The following GET3 variants were observed in gnomAD, a reference collection of about 807,000 sequenced individuals.
The protein encoded by GET3 is guided entry of tail-anchored proteins factor 3, ATPase.
A neutral mutation model predicts 32.4 loss-of-function variants in GET3; 15 were observed. The ratio of observed to expected loss-of-function variants is 0.46; its 90% CI spans 0.31 to 0.71. The LOEUF is 0.71. Ranked by LOEUF, GET3 falls within the 30% of genes least tolerant of loss-of-function variation. The probability of loss-of-function intolerance (pLI) is 0.05; values close to 1 mark genes in which losing one functional copy is unlikely to be tolerated. For missense variants in GET3, 333 were observed against 459.0 expected, an observed-to-expected ratio of 0.73 and a Z score of 2.51; for synonymous variants, 198 against 185.6, an observed-to-expected ratio of 1.07 and a Z score of -0.54.
intron 2 of GET3, among the ~76,000 whole-genome samples, chr19:12,739,635 G>A (rs767532818): frequency 3.9e-5 from 6 of 152,230 alleles, no homozygotes; most frequent in Non-Finnish European, 7.3e-5. Flanking sequence ...GTGAATCTGA[G>A]TTGCCCACTG....
At chr19:12,738,397 A>G in intron 1 of GET3, 114 bp from the exon 2 acceptor site, 1 of 1,348,264 alleles carries the variant, frequency 7.4e-7, no homozygotes, top group East Asian at 2.3e-5. Context: ...CTCTCCTCTC[A>G]AGGCCCCTGC....
At chr19:12,746,842 A>G (rs1967780864) in intron 4 of GET3, among the ~76,000 whole-genome samples, 1 of 151,870 alleles carries the variant, frequency 6.6e-6, no homozygotes, top group South Asian at 2.1e-4. Flanking sequence ...AAACCCCACC[A>G]GTACTAAAAA....
rs1248697139 is a variant in GET3 at position 12,747,039 on chromosome 19, G to T, written c.610-158G>T. Among the ~76,000 whole-genome samples, 6 of 151,802 alleles carry T rather than the reference G, an allele frequency of 4.0e-5. No homozygotes were observed. The highest frequency in any genetic ancestry group is 4.2e-4 in the South Asian group (2 of 4,814). On this transcript the variant is annotated intron_variant, in intron 4 of 6. Coordinates refer to ENST00000357332, the MANE Select transcript of GET3 (RefSeq NM_004317.4). This position sits in a 1 kb window ranked among gnomAD's most constrained non-coding sequence, Gnocchi z 4.0. Reference sequence around the variant, plus strand: ...AAAAAAAAAAAAGAAAGAAAGAAATGGAAAAGCTAGTATTTGACCAACCCC... The same window carrying T: ...AAAAAAAAAAAAGAAAGAAAGAAATTGAAAAGCTAGTATTTGACCAACCCC...
rs181334033 is a variant in GET3, at chr19:12,741,609, A to G, written c.309+2951A>G. Among the ~76,000 whole-genome samples, 337 of 150,174 alleles carry G rather than the reference A, an allele frequency of 2.2e-3. 1 individual carries two copies. Among genetic ancestry groups the G allele is most frequent in the African/African-American group, 8.1e-3 (329 of 40,688 alleles). On this transcript the variant is annotated intron_variant, in intron 2 of 6. Coordinates refer to ENST00000357332, the MANE Select transcript of GET3 (RefSeq NM_004317.4). ...CCCCGTCTCTACTAAAAATACAAAA[A>G]TTAGCCTTGCGTGGTGGCCGGCACC...
In GET3 at chr19:12,747,723, C is replaced by T. The variant is rs1967800676; in HGVS notation, c.915+131C>T. 7.9e-7 allele frequency: 1 copy of T among 1,266,744 alleles called. No homozygotes were observed. The highest frequency in any genetic ancestry group is 1.5e-5 in the African/African-American group (1 of 66,730). The allele number at this position is 1,266,744 out of a possible 1,614,324, so 78.5% of individuals were successfully genotyped here. A position where few individuals can be genotyped will look rare whatever the true frequency, so the allele number is the denominator to read the frequency against. On this transcript the variant is annotated intron_variant, in intron 6 of 6. Coordinates refer to ENST00000357332, the MANE Select transcript of GET3 (RefSeq NM_004317.4). The surrounding 1 kb of genome is among the most constrained non-coding windows in gnomAD (Gnocchi z 4.0). ...TTGCCCCCACATTTCAGATCCTTCA[C>T]CCTTATTCCGGCCATAGAGGACTGT...
At chr19:12,746,072 C>T (rs1967765732) in intron 4 of GET3, among the ~76,000 whole-genome samples, 1 of 152,198 alleles carries the variant, frequency 6.6e-6, no homozygotes, top group Admixed American at 6.5e-5. Flanking sequence ...CAAATCACTT[C>T]ACCTCTCTGG....
intron 1 of GET3, 92 bp downstream of exon 1, chr19:12,737,758 G>T: frequency 6.8e-7 from 1 of 1,466,910 alleles, no homozygotes; most frequent in South Asian, 1.3e-5. Flanking sequence ...CACGACCGGG[G>T]CATGGGGGCT....
At position 12,747,325 on chromosome 19, in the gene GET3, C is replaced by T. The variant is rs375490140; in HGVS notation, c.717+21C>T. On this transcript the variant is annotated intron_variant, in intron 5 of 6. Coordinates refer to ENST00000357332, the MANE Select transcript of GET3 (RefSeq NM_004317.4). The surrounding 1 kb of genome is among the most constrained non-coding windows in gnomAD (Gnocchi z 4.0). ...ACCCTGTGAGTGGTGGTCTGGCTGGCGGTGAGAGGCCCGGGGGCTGAGGAC... is the reference window on the plus strand; with the variant it reads ...ACCCTGTGAGTGGTGGTCTGGCTGGTGGTGAGAGGCCCGGGGGCTGAGGAC... The T allele has an allele frequency of 2.4e-5, 38 of 1,608,696 alleles. No individual in the cohort carries two copies. The highest frequency in any genetic ancestry group is 2.0e-4 in the East Asian group (9 of 44,766).
In GET3 at chr19:12,747,732, C is replaced by T. The variant is rs8177495; in HGVS notation, c.915+140C>T. 12,165 of 1,241,216 alleles carry T rather than the reference C, an allele frequency of 9.8e-3. 888 individuals carry two copies. The African/African-American group carries it at 0.16, about 16-fold the overall frequency. The allele number at this position is 1,241,216 out of a possible 1,614,324, so 76.9% of individuals were successfully genotyped here. On this transcript the variant is annotated intron_variant, in intron 6 of 6. Coordinates refer to ENST00000357332, the MANE Select transcript of GET3 (RefSeq NM_004317.4). This position sits in a 1 kb window ranked among gnomAD's most constrained non-coding sequence, Gnocchi z 4.0. ...CATTTCAGATCCTTCACCCTTATTC[C>T]GGCCATAGAGGACTGTGGCTGGCCT...
Position 12,747,193 on chromosome 19 carries a change from G to A in GET3, c.610-4G>A. 1 of 1,589,160 alleles carries A rather than the reference G, an allele frequency of 6.3e-7. No individual in the cohort carries two copies. The highest frequency in any genetic ancestry group is 8.6e-7 in the Non-Finnish European group (1 of 1,166,916). On this transcript the variant is annotated splice_region_variant and splice_polypyrimidine_tract_variant and intron_variant, in intron 4 of 6. Coordinates refer to ENST00000357332, the MANE Select transcript of GET3 (RefSeq NM_004317.4). The surrounding 1 kb of genome is among the most constrained non-coding windows in gnomAD (Gnocchi z 4.0). ...CTATGAGCCCTCCCACATCCCCCCTGCAGATGTGCAACATGCTGGGCCTGG... is the reference window on the plus strand; with the variant it reads ...CTATGAGCCCTCCCACATCCCCCCTACAGATGTGCAACATGCTGGGCCTGG...
rs142120627 is a variant in GET3, at chr19:12,745,457, G to A, written c.390G>A (p.Lys130=). Residue 130 remains lysine, a synonymous_variant, in exon 3 of 7, where the codon AAG becomes AAA. Transcript: ENST00000357332. This position sits in a 1 kb window ranked among gnomAD's most constrained non-coding sequence, Gnocchi z 5.0. ...ACAACATGCTGAGCATGGGCAAGAA[G>A]ATGATGCAGGAGGCCATGAGCGCAT... ...EEDNMLSMGK[K]MMQEAMSAFP... 75 of 1,613,226 alleles carry A rather than the reference G, an allele frequency of 4.6e-5. No homozygotes were observed. The African/African-American group carries it at 5.5e-4, about 12-fold the overall frequency.
rs796692368 is a variant in GET3, at chr19:12,741,455, C to CA, written c.309+2808dup. Among the ~76,000 whole-genome samples, 1,130 of 139,260 alleles carry CA rather than the reference C, an allele frequency of 8.1e-3. 8 individuals carry two copies. Among genetic ancestry groups the CA allele is most frequent in the African/African-American group, 0.027 (1,030 of 37,732 alleles). 91.4% of individuals were successfully genotyped at this position (139,260 alleles called of 152,430 possible). On this transcript the variant is annotated intron_variant, in intron 2 of 6. Transcript: ENST00000357332. The stretch of plus-strand genomic sequence containing the variant: ...TGGGTGACAGAGCAAGACTCCATCT[C>CA]AAAAAAAAAAATACAAAAATAAGCC...
chr19:12,746,299 A>G (rs1448201155), intron 4 of GET3, among the ~76,000 whole-genome samples: 2 of 152,032 alleles, frequency 1.3e-5, no homozygotes, highest in Non-Finnish European at 2.9e-5. Flanking sequence ...TGCCCAGCTA[A>G]TTTTTGTACT....
Position 12,745,479 on chromosome 19 carries a change from G to T in GET3, c.412G>T (p.Ala138Ser), listed in dbSNP as rs865881461. ...GKKMMQEAMSAFPGIDEAMSY... is the reference protein window; with the variant it reads ...GKKMMQEAMSSFPGIDEAMSY... ...GAAGATGATGCAGGAGGCCATGAGC[G>T]CATTTCCCGGCATCGATGAGGCCAT... is the stretch of plus-strand genomic sequence containing the variant. The change falls in exon 3 of 7, where the codon GCA (alanine) becomes TCA (serine). Residue 138 changes from alanine (A) to serine (S), a missense_variant. Around this residue, in one of 3 missense-constraint regions of GET3, gnomAD observed 230 missense variants for 389.2 expected, o/e 0.59. Coordinates refer to ENST00000357332, the MANE Select transcript of GET3 (RefSeq NM_004317.4). This position sits in a 1 kb window ranked among gnomAD's most constrained non-coding sequence, Gnocchi z 5.0. 1 of 1,613,066 alleles carries T rather than the reference G, an allele frequency of 6.2e-7. No homozygotes were observed. Among genetic ancestry groups the T allele is most frequent in the Non-Finnish European group, 8.5e-7 (1 of 1,180,008 alleles).
chr19:12,747,659 C>G lies in GET3; in HGVS notation c.915+67C>G, dbSNP rs1967799205. On this transcript the variant is annotated intron_variant, in intron 6 of 6. Transcript: ENST00000357332. The surrounding 1 kb of genome is among the most constrained non-coding windows in gnomAD (Gnocchi z 4.0). ...TGCCCCTTTATTCTCTGATCTTTTG[C>G]TCCACCATCTGGCCCTCTGCCCTCT... The G allele has an allele frequency of 6.5e-7, 1 of 1,539,780 alleles. No individual in the cohort carries two copies. The highest frequency in any genetic ancestry group is 1.4e-5 in the African/African-American group (1 of 73,042).
chr19:12,747,662 C>T lies in GET3; in HGVS notation c.915+70C>T. 1.3e-6 allele frequency: 2 copies of T among 1,529,984 alleles called. No individual in the cohort carries two copies. The highest frequency in any genetic ancestry group is 1.8e-6 in the Non-Finnish European group (2 of 1,130,842). 94.8% of individuals were successfully genotyped at this position (1,529,984 alleles called of 1,614,324 possible). On this transcript the variant is annotated intron_variant, in intron 6 of 6. Coordinates refer to ENST00000357332, the MANE Select transcript of GET3 (RefSeq NM_004317.4). The surrounding 1 kb of genome is among the most constrained non-coding windows in gnomAD (Gnocchi z 4.0). ...CCCTTTATTCTCTGATCTTTTGCTC[C>T]ACCATCTGGCCCTCTGCCCTCTAGC...
rs971033050 is a variant in GET3, at chr19:12,745,276, GC to G, written c.310-98del. On this transcript the variant is annotated intron_variant, in intron 2 of 6. Transcript: ENST00000357332. This position sits in a 1 kb window ranked among gnomAD's most constrained non-coding sequence, Gnocchi z 5.0. ...CACAGCCCACCACAGGCTCCCTCTG[GC>G]CCTGTGCCCGGGTAGGAAGGCTCCC... 2 of 1,426,634 alleles carry G rather than the reference GC, an allele frequency of 1.4e-6. No individual in the cohort carries two copies. The highest frequency in any genetic ancestry group is 1.9e-6 in the Non-Finnish European group (2 of 1,047,474). The allele number at this position is 1,426,634 out of a possible 1,614,324, so 88.4% of individuals were successfully genotyped here.
chr19:12,748,019 TA>T lies in GET3; in HGVS notation c.963del (p.Leu321PhefsTer84). The T allele has an allele frequency of 1.9e-6, 3 of 1,612,032 alleles. No individual in the cohort carries two copies. The highest frequency in any genetic ancestry group is 2.5e-6 in the Non-Finnish European group (3 of 1,178,582). On this transcript the variant is annotated frameshift_variant, in exon 7 of 7. Coordinates refer to ENST00000357332, the MANE Select transcript of GET3 (RefSeq NM_004317.4). LOFTEE classifies it high-confidence loss of function. ...EDFHIVKLPL[L>X]PHEVRGADKV... is the part of the protein sequence containing the mutation. ...TTCCACATCGTGAAGCTGCCGCTGT[TA>T]CCCCATGAGGTGCGGGGGGCAGACA...
In GET3 at chr19:12,747,556, G is replaced by A; in HGVS notation, c.879G>A (p.Glu293=). ...PDPEKPCKMC[E]ARHKIQAKYL... is the part of the protein sequence containing the mutation. ...CCGAGAAGCCCTGCAAGATGTGTGA[G>A]GCCCGTCACAAGATCCAGGCCAAGT... The change falls in exon 6 of 7, where the codon GAG becomes GAA. Residue 293 remains glutamate, a synonymous_variant. Coordinates refer to ENST00000357332, the MANE Select transcript of GET3 (RefSeq NM_004317.4). This position sits in a 1 kb window ranked among gnomAD's most constrained non-coding sequence, Gnocchi z 4.0. 1.2e-6 allele frequency: 2 copies of A among 1,613,686 alleles called. No individual in the cohort carries two copies. The highest frequency in any genetic ancestry group is 1.7e-6 in the Non-Finnish European group (2 of 1,179,962).
Sources: gnomAD v4.1 joint callset for allele counts (sites outside exome capture counted in the v4.1 genomes callset) on GRCh38, gnomAD v4.1.1 for gene constraint, gnomAD v4.1.1 regional missense constraint, Gnocchi (gnomAD v3.1) non-coding constraint, MANE v1.5 for transcripts, NCBI Gene and HGNC (gene_info 2026-07-23, HGNC 2026-07-21) for gene names.